The following SMYD5 variants were observed in gnomAD, a reference collection of about 807,000 sequenced individuals.
SMYD5 encodes SMYD family member 5.
Under a neutral mutation model 57.4 loss-of-function variants are expected in SMYD5, and 35 were observed. The observed-to-expected ratio is 0.61, with a 90% CI of 0.47 to 0.81. The LOEUF (loss-of-function observed/expected upper bound fraction) is 0.81. SMYD5 is among the 30% of genes least tolerant of loss of function. The pLI is 0.00. For synonymous variants in SMYD5, 198 were observed against 189.7 expected, an observed-to-expected ratio of 1.04 and a Z score of -0.36; for missense variants, 471 against 527.9, an observed-to-expected ratio of 0.89 and a Z score of 1.06.
intron 5 of SMYD5, 150 bp from the exon 6 acceptor site, chr2:73,221,676 G>A (rs983372128): frequency 4.6e-6 from 3 of 645,214 alleles, no homozygotes; most frequent in African/African-American, 1.8e-5. Context: ...TACAACTGGG[G>A]AGATGGTTGT....
intron 1 of SMYD5, among the ~76,000 whole-genome samples, chr2:73,217,952 T>G (rs1256594569): frequency 6.6e-6 from 1 of 152,210 alleles, no homozygotes; most frequent in East Asian, 1.9e-4. Flanking sequence ...ATGTATATAG[T>G]GTTTTAGACC....
At chr2:73,224,837 A>G (rs1343151661) in intron 10 of SMYD5, 29 bp from the exon 11 acceptor site, 3 of 1,544,114 alleles carry the variant, frequency 1.9e-6, no homozygotes, top group Admixed American at 3.5e-5. Context: ...TTAGTCAATA[A>G]TCCTCATTAC....
intron 1 of SMYD5, chr2:73,214,623 G>T: frequency 6.6e-7 from 1 of 1,507,368 alleles, no homozygotes; most frequent in Non-Finnish European, 8.9e-7. Context: ...GCCCTTCTGT[G>T]GCTGCTCGGG....
At chr2:73,218,840 C>T (rs767145831) in intron 1 of SMYD5, 21 bp from the exon 2 acceptor site, 1 of 1,578,372 alleles carries the variant, frequency 6.3e-7, no homozygotes, top group Non-Finnish European at 8.7e-7. Flanking sequence ...TTATGGCCAT[C>T]CTATCCCTCT....
chr2:73,218,975 T>A lies in SMYD5; in HGVS notation c.205+6T>A, dbSNP rs755522082. The A allele has an allele frequency of 3.1e-6, 5 of 1,592,270 alleles. No individual in the cohort carries two copies. In the Admixed American group the frequency reaches 8.3e-5, roughly 27 times the overall value. On this transcript the variant is annotated splice_donor_region_variant and intron_variant, in intron 2 of 12. Transcript: ENST00000389501. ...TGCACTTTATCGCTACCGAGGTGAG[T>A]ACATCTCTCCTACTCCTCATGGCCC... is the stretch of plus-strand genomic sequence containing the variant.
intron 2 of SMYD5, among the ~76,000 whole-genome samples, chr2:73,219,208 G>A (rs1220851780): frequency 1.3e-5 from 2 of 152,084 alleles, no homozygotes; most frequent in Non-Finnish European, 1.5e-5. Flanking sequence ...GGACTTAGGC[G>A]AGTTTGATTC....
chr2:73,214,363 G>T lies in SMYD5; in HGVS notation c.96+1G>T. On this transcript the variant is annotated splice_donor_variant, in intron 1 of 12. Coordinates refer to ENST00000389501, the MANE Select transcript of SMYD5 (RefSeq NM_006062.3). LOFTEE classifies it high-confidence loss of function. ...AGTCCGTTTCGTGAGCAGCGCCAAG[G>T]TGAGGTCGGGGCGGGTCCTGCCGGG... 1 of 1,613,390 alleles carries T rather than the reference G, an allele frequency of 6.2e-7. No homozygotes were observed. The highest frequency in any genetic ancestry group is 8.5e-7 in the Non-Finnish European group (1 of 1,179,732).
At chr2:73,221,310 C>A in intron 5 of SMYD5, 76 bp downstream of exon 5, 2 of 1,201,128 alleles carry the variant, frequency 1.7e-6, no homozygotes, top group Non-Finnish European at 2.5e-6. Context: ...TTCCTCACCT[C>A]AAAGCCCTAG....
intron 1 of SMYD5, among the ~76,000 whole-genome samples, chr2:73,218,103 G>A (rs1250785533): frequency 6.6e-6 from 1 of 152,130 alleles, no homozygotes; most frequent in Admixed American, 6.5e-5. Flanking sequence ...GCCAGTCCCT[G>A]TACCCTCATT....
chr2:73,222,295 TC>T (rs1010585073), intron 6 of SMYD5, among the ~76,000 whole-genome samples: 2 of 152,198 alleles, frequency 1.3e-5, no homozygotes, highest in African/African-American at 4.8e-5. Context: ...GAGAACCCGT[TC>T]CCAATCAAAG....
chr2:73,216,604 A>T (rs1686296786), intron 1 of SMYD5, among the ~76,000 whole-genome samples: 1 of 152,196 alleles, frequency 6.6e-6, no homozygotes, highest in Non-Finnish European at 1.5e-5. Flanking sequence ...GCCAGGCACG[A>T]GAATTGCTTG....
At chr2:73,219,280 A>AGGCTACAT (rs1374892387) in intron 2 of SMYD5, among the ~76,000 whole-genome samples, 1 of 152,092 alleles carries the variant, frequency 6.6e-6, no homozygotes, top group Non-Finnish European at 1.5e-5. Context: ...CACCAAGAGG[A>AGGCTACAT]GGCTACATGG....
In SMYD5 at chr2:73,214,363, G is replaced by A. The variant is rs1284219781; in HGVS notation, c.96+1G>A. 3.7e-6 allele frequency: 6 copies of A among 1,613,272 alleles called. No individual in the cohort carries two copies. The highest frequency in any genetic ancestry group is 2.7e-5 in the African/African-American group (2 of 74,896). On this transcript the variant is annotated splice_donor_variant, in intron 1 of 12. Transcript: ENST00000389501. LOFTEE classifies it high-confidence loss of function. ...AGTCCGTTTCGTGAGCAGCGCCAAGGTGAGGTCGGGGCGGGTCCTGCCGGG... is the reference window on the plus strand; with the variant it reads ...AGTCCGTTTCGTGAGCAGCGCCAAGATGAGGTCGGGGCGGGTCCTGCCGGG...
chr2:73,220,539 T>C (rs546388045), intron 3 of SMYD5, 122 bp from the exon 4 acceptor site: 1 of 1,178,948 alleles, frequency 8.5e-7, no homozygotes, highest in East Asian at 2.4e-5. Context: ...GAGCACCCTA[T>C]GTTTTCTCTT....
At chr2:73,222,967 A>G in intron 7 of SMYD5, 69 bp from the exon 8 acceptor site, 1 of 1,540,206 alleles carries the variant, frequency 6.5e-7, no homozygotes, top group Non-Finnish European at 9.0e-7. Context: ...AGGCTTCCCA[A>G]ACAGAGAGTC....
rs1481001777 is a variant in SMYD5 at position 73,224,312 on chromosome 2, C to T, written c.940+309C>T. 6.6e-5 allele frequency among the ~76,000 whole-genome samples: 10 copies of T among 152,316 alleles called. No individual in the cohort carries two copies. In the East Asian group the frequency reaches 1.2e-3, roughly 18 times the overall value. ...GCAAAGGGATGCATGGGCTTTGCAC[C>T]GTCACTGCCTTGTGAGATTTGGGAG... is the stretch of plus-strand genomic sequence containing the variant. On this transcript the variant is annotated intron_variant, in intron 10 of 12. Transcript: ENST00000389501.
chr2:73,222,939 A>T (rs1574341802), intron 7 of SMYD5, 97 bp from the exon 8 acceptor site: 1 of 1,481,514 alleles, frequency 6.7e-7, no homozygotes, highest in Non-Finnish European at 9.4e-7. Flanking sequence ...TGGAGTTCAG[A>T]TGAGCCTGAC....
At chr2:73,216,364 G>C (rs1686293034) in intron 1 of SMYD5, among the ~76,000 whole-genome samples, 1 of 152,158 alleles carries the variant, frequency 6.6e-6, no homozygotes, top group South Asian at 2.1e-4. Flanking sequence ...AGACCAGTCT[G>C]GCCAACATGG....
At position 73,225,982 on chromosome 2, in the gene SMYD5, C is replaced by T; in HGVS notation, c.*36C>T. 6.4e-7 allele frequency: 1 copy of T among 1,571,492 alleles called. No homozygotes were observed. Among genetic ancestry groups the T allele is most frequent in the Non-Finnish European group, 8.6e-7 (1 of 1,159,956 alleles). ...CCCAGAAAGGGCCCTGCCCTAGACC[C>T]TGCCAGAAAAGGGGGCTCTTCCCCC... On this transcript the variant is annotated 3_prime_UTR_variant, in exon 13 of 13. Coordinates refer to ENST00000389501, the MANE Select transcript of SMYD5 (RefSeq NM_006062.3).
Sources: allele counts gnomAD v4.1 joint callset (sites outside exome capture counted in the v4.1 genomes callset), GRCh38; gene constraint gnomAD v4.1.1; transcripts MANE v1.5; gene names NCBI Gene and HGNC (gene_info 2026-07-23, HGNC 2026-07-21).